CACNG3: variants seen among roughly 807,000 people sequenced by gnomAD.
CACNG3 encodes calcium voltage-gated channel auxiliary subunit gamma 3.
CACNG3 carries 3 observed loss-of-function variants against 28.5 expected under a neutral mutation model. The ratio of observed to expected loss-of-function variants is 0.11; its 90% CI spans 0.05 to 0.27. The LOEUF (loss-of-function observed/expected upper bound fraction) is 0.27. Among genes scored for constraint, CACNG3 ranks in the 10% least tolerant of loss-of-function variants. CACNG3 has a pLI of 1.00. For missense variants in CACNG3, 236 were observed against 414.4 expected, an observed-to-expected ratio of 0.57 and a Z score of 3.74; for synonymous variants, 174 against 162.2, an observed-to-expected ratio of 1.07 and a Z score of -0.55.
At position 24,354,951 on chromosome 16, in the gene CACNG3, G is replaced by A. The variant is rs1430773509; in HGVS notation, c.414G>A (p.Ala138=). ...HRSRHNVILS[A]GIFFVSAGLS... ...GCAGACACAACGTCATTCTCAGCGC[G>A]GGCATCTTTTTTGTCTCTGCAGGTG... Residue 138 remains alanine (A), a synonymous_variant, in exon 3 of 4, where the codon GCG becomes GCA. Transcript: ENST00000005284. The A allele has an allele frequency of 1.1e-5, 17 of 1,612,706 alleles. No individual in the cohort carries two copies. Among genetic ancestry groups the A allele is most frequent in the Admixed American group, 3.3e-5 (2 of 59,992 alleles).
chr16:24,331,621 A>T (rs1277799982), intron 1 of CACNG3, among the ~76,000 whole-genome samples: 2 of 152,100 alleles, frequency 1.3e-5, no homozygotes, highest in Admixed American at 1.3e-4. Context: ...AAACCCTCCA[A>T]AGCCTGGACC....
intron 1 of CACNG3, among the ~76,000 whole-genome samples, chr16:24,257,911 C>A (rs538569029): frequency 7.2e-5 from 11 of 152,250 alleles, no homozygotes; most frequent in African/African-American, 2.6e-4. Context: ...CACCAGTAGG[C>A]AATGCTTGGA....
At chr16:24,289,236 A>T (rs948765894) in intron 1 of CACNG3, among the ~76,000 whole-genome samples, 9 of 151,362 alleles carry the variant, frequency 5.9e-5, no homozygotes, top group Non-Finnish European at 1.0e-4. Context: ...TTCCTCTCAG[A>T]TTTTCCTCTT....
chr16:24,316,130 T>A (rs1899348928), intron 1 of CACNG3, among the ~76,000 whole-genome samples: 1 of 151,740 alleles, frequency 6.6e-6, no homozygotes, highest in Non-Finnish European at 1.5e-5. Context: ...AAGCAAGTTG[T>A]CCAAGATAAC....
chr16:24,263,532 A>C (rs755821925), intron 1 of CACNG3, among the ~76,000 whole-genome samples: 9 of 152,218 alleles, frequency 5.9e-5, no homozygotes, highest in Non-Finnish European at 8.8e-5. Context: ...TTTTCAATGT[A>C]GGAACAAATA....
At position 24,300,414 on chromosome 16, in the gene CACNG3, G is replaced by A. The variant is rs2141359680; in HGVS notation, c.211+43449G>A. On this transcript the variant is annotated intron_variant, in intron 1 of 3. Coordinates refer to ENST00000005284, the MANE Select transcript of CACNG3 (RefSeq NM_006539.4). ...TGCATGGTCTGTTACAGAAATGCAGGCCCATTGTTGCCAGGTCTTCTGATT... is the reference window on the plus strand; with the variant it reads ...TGCATGGTCTGTTACAGAAATGCAGACCCATTGTTGCCAGGTCTTCTGATT... 1.3e-5 allele frequency among the ~76,000 whole-genome samples: 2 copies of A among 152,108 alleles called. 1 individual carries two copies. The highest frequency in any genetic ancestry group is 6.8e-3 in the Middle Eastern group (2 of 294).
chr16:24,307,087 G>A (rs1043928383), intron 1 of CACNG3, among the ~76,000 whole-genome samples: 1 of 152,132 alleles, frequency 6.6e-6, no homozygotes, highest in Non-Finnish European at 1.5e-5. Context: ...GGTTCATCTA[G>A]CTTGCCTTCT....
chr16:24,322,876 C>T (rs946237113), intron 1 of CACNG3, among the ~76,000 whole-genome samples: 6 of 152,274 alleles, frequency 3.9e-5, no homozygotes, highest in African/African-American at 1.4e-4. Flanking sequence ...ACTCCCAGGG[C>T]CACTATTCAC....
At position 24,361,836 on chromosome 16, in the gene CACNG3, G is replaced by T. The variant is rs12928078; in HGVS notation, c.921G>T (p.Pro307=). 6.2e-7 allele frequency: 1 copy of T among 1,610,730 alleles called. No homozygotes were observed. The highest frequency in any genetic ancestry group is 1.3e-5 in the African/African-American group (1 of 74,996). ...KEFKESLHNN[P]ANRRTTPV ...TCAAAGAGTCACTGCATAATAATCC[G>T]GCCAACAGGCGCACCACGCCCGTCT... Residue 307 remains proline (P), a synonymous_variant, in exon 4 of 4, where the codon CCG becomes CCT. Transcript: ENST00000005284. This position sits in a 1 kb window ranked among gnomAD's most constrained non-coding sequence, Gnocchi z 6.8.
At chr16:24,340,468 T>C (rs941110550) in intron 1 of CACNG3, among the ~76,000 whole-genome samples, 1 of 152,190 alleles carries the variant, frequency 6.6e-6, no homozygotes, top group African/African-American at 2.4e-5. Context: ...CCAATTACCT[T>C]GATTTGATCA....
rs142877168 is a variant in CACNG3 at position 24,269,236 on chromosome 16, T to C, written c.211+12271T>C. On this transcript the variant is annotated intron_variant, in intron 1 of 3. Transcript: ENST00000005284. Reference sequence around the variant, plus strand: ...ACCACCAGCCTAGAACCACAACCTGTTGTACAGCAGATCTTCAATAAATAC... The same window carrying C: ...ACCACCAGCCTAGAACCACAACCTGCTGTACAGCAGATCTTCAATAAATAC... Among the ~76,000 whole-genome samples the C allele has an allele frequency of 4.6e-3, 694 of 152,324 alleles. 2 individuals carry two copies. The highest frequency in any genetic ancestry group is 0.016 in the African/African-American group (672 of 41,572).
intron 1 of CACNG3, among the ~76,000 whole-genome samples, chr16:24,317,708 G>GAAAGA (rs1567217752): frequency 1.8e-5 from 2 of 108,500 alleles, no homozygotes; most frequent in Non-Finnish European, 3.8e-5. Context: ...AAGAAAGAAA[G>GAAAGA]AAAGAAAAGA....
intron 1 of CACNG3, among the ~76,000 whole-genome samples, chr16:24,327,479 T>C (rs111540853): frequency 1.1e-5 from 1 of 92,222 alleles, no homozygotes; most frequent in African/African-American, 4.1e-5. Context: ...CACACACACA[T>C]ATACTATGAA....
At position 24,361,291 on chromosome 16, in the gene CACNG3, G is replaced by T; in HGVS notation, c.437-61G>T. On this transcript the variant is annotated intron_variant, in intron 3 of 3. Coordinates refer to ENST00000005284, the MANE Select transcript of CACNG3 (RefSeq NM_006539.4). This position sits in a 1 kb window ranked among gnomAD's most constrained non-coding sequence, Gnocchi z 6.8. ...CATTTTCTATAAATATTTTAAGATG[G>T]AAAGTGACAGTTCTCTCCGAGGTGT... 7.9e-7 allele frequency: 1 copy of T among 1,258,248 alleles called. No homozygotes were observed. The highest frequency in any genetic ancestry group is 1.5e-5 in the South Asian group (1 of 67,640). The allele number at this position is 1,258,248 out of a possible 1,614,324, so 77.9% of individuals were successfully genotyped here.
At chr16:24,341,990 A>G (rs1030914357) in intron 1 of CACNG3, among the ~76,000 whole-genome samples, 2 of 152,250 alleles carry the variant, frequency 1.3e-5, no homozygotes, top group Non-Finnish European at 2.9e-5. Context: ...AGCATAGGCC[A>G]GGAGCGGTGG....
intron 1 of CACNG3, among the ~76,000 whole-genome samples, chr16:24,310,022 T>C (rs1430033641): frequency 6.6e-6 from 1 of 152,098 alleles, no homozygotes; most frequent in Non-Finnish European, 1.5e-5. Context: ...GTGTGTGAAA[T>C]GTCACTATGA....
At chr16:24,300,014 TATC>T (rs766767950) in intron 1 of CACNG3, among the ~76,000 whole-genome samples, 1 of 152,210 alleles carries the variant, frequency 6.6e-6, no homozygotes, top group Non-Finnish European at 1.5e-5. Flanking sequence ...ATGAGGGTCT[TATC>T]ATCCCTTTTG....
At chr16:24,332,755 G>C (rs1899647930) in intron 1 of CACNG3, among the ~76,000 whole-genome samples, 1 of 152,002 alleles carries the variant, frequency 6.6e-6, no homozygotes, top group African/African-American at 2.4e-5. Context: ...GACCGGACCA[G>C]TTATAAAATC....
At position 24,361,415 on chromosome 16, in the gene CACNG3, G is replaced by A. The variant is rs150191653; in HGVS notation, c.500G>A (p.Arg167His). ...GCCAACGCCGGAGACCCCGGGCAGCGTGACTCCAAAAAAAGTTACTCCTAT... is the reference window on the plus strand; with the variant it reads ...GCCAACGCCGGAGACCCCGGGCAGCATGACTCCAAAAAAAGTTACTCCTAT... ...ISANAGDPGQ[R>H]DSKKSYSYGW... The change falls in exon 4 of 4, where the codon CGT becomes CAT. Residue 167 changes from arginine (R) to histidine (H), a missense_variant. Arg to His is a conservative substitution (Grantham distance 29). Around this residue, in one of 2 missense-constraint regions of CACNG3, gnomAD observed 120 missense variants for 263.4 expected, o/e 0.46. Transcript: ENST00000005284. This position sits in a 1 kb window ranked among gnomAD's most constrained non-coding sequence, Gnocchi z 6.8. The A allele has an allele frequency of 1.9e-6, 3 of 1,613,702 alleles. No homozygotes were observed. The highest frequency in any genetic ancestry group is 8.5e-7 in the Non-Finnish European group (1 of 1,179,896).
Sources: gnomAD v4.1 joint callset for allele counts (sites outside exome capture counted in the v4.1 genomes callset) on GRCh38, gnomAD v4.1.1 for gene constraint, gnomAD v4.1.1 regional missense constraint, Gnocchi (gnomAD v3.1) non-coding constraint, MANE v1.5 for transcripts, NCBI Gene and HGNC (gene_info 2026-07-23, HGNC 2026-07-21) for gene names.